KCNK10: variants seen among roughly 807,000 people sequenced by gnomAD.
KCNK10 encodes potassium channel subfamily K member 10.
Under a neutral mutation model 47.7 loss-of-function variants are expected in KCNK10, and 25 were observed. The observed-to-expected ratio is 0.52, with a 90% CI of 0.38 to 0.73. The LOEUF is 0.73. Among genes scored for constraint, KCNK10 ranks in the 30% least tolerant of loss-of-function variants. KCNK10 has a pLI of 0.00. For synonymous variants in KCNK10, 303 were observed against 285.6 expected (o/e 1.06, Z -0.61); for missense variants, 563 against 714.5 (o/e 0.79, Z 2.42).
intron 4 of KCNK10, among the ~76,000 whole-genome samples, chr14:88,198,197 G>A (rs1019662033): frequency 6.6e-6 from 1 of 152,198 alleles, no homozygotes; most frequent in Non-Finnish European, 1.5e-5. Context: ...CTCAGAGGCA[G>A]GAAAACTCAT....
At position 88,260,494 on chromosome 14, in the gene KCNK10, C is replaced by T. The variant is rs935719527; in HGVS notation, c.402+2708G>A. On this transcript the variant is annotated intron_variant, in intron 2 of 6. Transcript: ENST00000319231. The surrounding 1 kb of genome is among the most constrained non-coding windows in gnomAD (Gnocchi z 4.5). Reference sequence around the variant, plus strand: ...GACTAATACAGCATTCAACATAAAGCACAAGTTTAAAAGAGACTGGAGCTT... The same window carrying T: ...GACTAATACAGCATTCAACATAAAGTACAAGTTTAAAAGAGACTGGAGCTT... 1.2e-4 allele frequency among the ~76,000 whole-genome samples: 18 copies of T among 152,290 alleles called. No individual in the cohort carries two copies. The highest frequency in any genetic ancestry group is 2.5e-4 in the Non-Finnish European group (17 of 68,028).
At chr14:88,222,600 T>C (rs1049268955) in intron 4 of KCNK10, among the ~76,000 whole-genome samples, 3 of 152,098 alleles carry the variant, frequency 2.0e-5, no homozygotes, top group African/African-American at 7.2e-5. Flanking sequence ...AATGTACCAG[T>C]CTGGTGCGGG....
chr14:88,220,660 C>CA (rs1316630402), intron 4 of KCNK10, among the ~76,000 whole-genome samples: 1 of 150,250 alleles, frequency 6.7e-6, no homozygotes, highest in Non-Finnish European at 1.5e-5. Context: ...CATACACATG[C>CA]AAAAAATATG....
chr14:88,211,003 G>A (rs115731640), intron 4 of KCNK10, among the ~76,000 whole-genome samples: 1,827 of 152,158 alleles, frequency 0.012, 29 homozygotes, highest in African/African-American at 0.041. Flanking sequence ...CCACTGCTGG[G>A]TATATGTCCA....
At chr14:88,237,555 A>C (rs1044515083) in intron 3 of KCNK10, among the ~76,000 whole-genome samples, 1 of 152,238 alleles carries the variant, frequency 6.6e-6, no homozygotes, top group African/African-American at 2.4e-5. Flanking sequence ...ATAAGAGTTC[A>C]AAGTCAAAAT....
At chr14:88,272,509 A>G (rs371224466) in intron 1 of KCNK10, among the ~76,000 whole-genome samples, 1 of 152,168 alleles carries the variant, frequency 6.6e-6, no homozygotes, top group African/African-American at 2.4e-5. Flanking sequence ...AAAGACACTC[A>G]GCCATGAATC....
intron 1 of KCNK10, among the ~76,000 whole-genome samples, chr14:88,315,202 A>G (rs1888406293): frequency 6.6e-6 from 1 of 151,998 alleles, no homozygotes; most frequent in South Asian, 2.1e-4. Flanking sequence ...TATCATAATC[A>G]CCTCCCATAT....
chr14:88,270,841 A>G (rs1467524228), intron 1 of KCNK10: 4 of 780,926 alleles, frequency 5.1e-6, no homozygotes, highest in Non-Finnish European at 9.6e-6. Context: ...GTGTGATCAC[A>G]TGGACCCTTG....
chr14:88,284,850 C>T lies in KCNK10; in HGVS notation c.53-21299G>A, dbSNP rs560041110. On this transcript the variant is annotated intron_variant, in intron 1 of 6. Coordinates refer to ENST00000319231, the MANE Select transcript of KCNK10 (RefSeq NM_138317.3). ...CAATCAAGTTGACAATATTAACCAT[C>T]AAAATGAGAACCTCTCTACTGTTCA... 1.2e-4 allele frequency among the ~76,000 whole-genome samples: 18 copies of T among 152,276 alleles called. No homozygotes were observed. The East Asian group carries it at 3.5e-3, about 29-fold the overall frequency.
At chr14:88,324,102 G>A (rs990019015), upstream of KCNK10, among the ~76,000 whole-genome samples, 3 of 152,224 alleles carry the variant, frequency 2.0e-5, no homozygotes, top group Non-Finnish European at 4.4e-5. Context: ...GCCCCCGGAG[G>A]AAAGCGGAGT....
At chr14:88,316,202 C>T (rs1444160822) in intron 1 of KCNK10, among the ~76,000 whole-genome samples, 4 of 152,038 alleles carry the variant, frequency 2.6e-5, no homozygotes, top group African/African-American at 9.7e-5. Context: ...CCCTCATGAC[C>T]GTGCCCTCCC....
At chr14:88,283,764 A>T (rs1262100701) in intron 1 of KCNK10, among the ~76,000 whole-genome samples, 1 of 152,070 alleles carries the variant, frequency 6.6e-6, no homozygotes, top group Non-Finnish European at 1.5e-5. Context: ...ACAAAAAAAA[A>T]TTAGCCAGGC....
chr14:88,206,813 T>C (rs1199977731), intron 4 of KCNK10, among the ~76,000 whole-genome samples: 2 of 152,246 alleles, frequency 1.3e-5, no homozygotes, highest in Non-Finnish European at 2.9e-5. Context: ...ATTATCTGTA[T>C]TGGCAAAGTG....
At chr14:88,321,358 C>T (rs965038845) in intron 1 of KCNK10, among the ~76,000 whole-genome samples, 1 of 152,214 alleles carries the variant, frequency 6.6e-6, no homozygotes, top group African/African-American at 2.4e-5. Context: ...CTGATGCTCT[C>T]CCTGGAGCAT....
rs528461406 is a variant in KCNK10, at chr14:88,185,221, G to A, written c.*314C>T. The A allele has an allele frequency of 1.0e-4, 31 of 297,744 alleles. No individual in the cohort carries two copies. Among genetic ancestry groups the A allele is most frequent in the South Asian group, 4.8e-4 (10 of 20,742 alleles). 18.4% of individuals were successfully genotyped at this position (297,744 alleles called of 1,614,324 possible). A position where few individuals can be genotyped will look rare whatever the true frequency, so the allele number is the denominator to read the frequency against. On this transcript the variant is annotated 3_prime_UTR_variant, in exon 7 of 7. Coordinates refer to ENST00000319231, the MANE Select transcript of KCNK10 (RefSeq NM_138317.3). The surrounding 1 kb of genome is among the most constrained non-coding windows in gnomAD (Gnocchi z 4.3). ...CTAAGGAATAGCTGCCCTTGTCTAC[G>A]TGTGTGCCCAGGTAGCACTGCCCAG...
chr14:88,291,506 T>G (rs10148345), intron 1 of KCNK10, among the ~76,000 whole-genome samples: 14,041 of 152,126 alleles, frequency 0.092, 677 homozygotes, highest in African/African-American at 0.11. Flanking sequence ...CTATGGCAAA[T>G]GAAGGAGCAG....
chr14:88,181,133 G>A lies in KCNK10; in HGVS notation c.*4402C>T. The A allele has an allele frequency of 3.7e-6, 1 of 270,620 alleles. No homozygotes were observed. The allele number at this position is 270,620 out of a possible 1,614,324, so 16.8% of individuals were successfully genotyped here. On this transcript the variant is annotated 3_prime_UTR_variant, in exon 7 of 7. Transcript: ENST00000319231. ...TTTGTTTTCCTACGCCTTTCCCGTG[G>A]TTCAGAAACCCTGGTACACACTGGA... is the stretch of plus-strand genomic sequence containing the variant.
rs1248433102 is a variant in KCNK10 at position 88,185,289 on chromosome 14, A to G, written c.*246T>C. ...TGAAATGCCCTTAACATGTACGGCC[A>G]GAACCGGCTACGTGCACGGACACTC... On this transcript the variant is annotated 3_prime_UTR_variant, in exon 7 of 7. Transcript: ENST00000319231. The surrounding 1 kb of genome is among the most constrained non-coding windows in gnomAD (Gnocchi z 4.3). 3.9e-6 allele frequency: 2 copies of G among 509,928 alleles called. No homozygotes were observed. Among genetic ancestry groups the G allele is most frequent in the African/African-American group, 3.9e-5 (2 of 51,860 alleles). 31.6% of individuals were successfully genotyped at this position (509,928 alleles called of 1,614,324 possible).
At chr14:88,320,940 T>C (rs1795970428) in intron 1 of KCNK10, among the ~76,000 whole-genome samples, 1 of 152,204 alleles carries the variant, frequency 6.6e-6, no homozygotes, top group African/African-American at 2.4e-5. Context: ...CCCCCAGTCA[T>C]ATCTCAAAAC....
Sources: allele counts gnomAD v4.1 joint callset (sites outside exome capture counted in the v4.1 genomes callset), GRCh38; gene constraint gnomAD v4.1.1; non-coding constraint Gnocchi (gnomAD v3.1); transcripts MANE v1.5; gene names NCBI Gene and HGNC (gene_info 2026-07-23, HGNC 2026-07-21).